Variants in DIAPH3 observed in about 807,000 individuals in gnomAD.
DIAPH3 encodes the protein diaphanous related formin 3.
Under a neutral mutation model 144.3 loss-of-function variants are expected in DIAPH3, and 117 were observed. The observed-to-expected ratio is 0.81, with a 90% CI of 0.70 to 0.95. DIAPH3 has a LOEUF of 0.95. Ranked by LOEUF, DIAPH3 falls within the 40% of genes least tolerant of loss-of-function variation. The pLI is 0.00. For synonymous variants in DIAPH3, 519 were observed against 488.9 expected, an observed-to-expected ratio of 1.06 and a Z score of -0.81; for missense variants, 1,421 against 1,412.7, an observed-to-expected ratio of 1.01 and a Z score of -0.09.
At chr13:60,008,301 C>T (rs1426508159) in intron 9 of DIAPH3, among the ~76,000 whole-genome samples, 1 of 152,062 alleles carries the variant, frequency 6.6e-6, no homozygotes, top group Non-Finnish European at 1.5e-5. Flanking sequence ...GAGGCTGAGG[C>T]AGAAGAATGG....
In DIAPH3 at chr13:59,958,900, A is replaced by C. The variant is rs1594128991; in HGVS notation, c.2074+11044T>G. On this transcript the variant is annotated intron_variant, in intron 17 of 27. Transcript: ENST00000400324. The stretch of plus-strand genomic sequence containing the variant: ...TTTTTTTTTTTTTTTTTTGAGATAG[A>C]GTCTCGCTCCTGTTGCCCAGGCTGG... Among the ~76,000 whole-genome samples, 5 of 128,380 alleles carry C rather than the reference A, an allele frequency of 3.9e-5. No individual in the cohort carries two copies. The South Asian group carries it at 1.3e-3, about 33-fold the overall frequency. 84.2% of individuals were successfully genotyped at this position (128,380 alleles called of 152,430 possible). A position where few individuals can be genotyped will look rare whatever the true frequency, so the allele number is the denominator to read the frequency against.
chr13:59,964,367 T>TAC (rs1001556848), intron 17 of DIAPH3, among the ~76,000 whole-genome samples: 3 of 152,004 alleles, frequency 2.0e-5, no homozygotes, highest in African/African-American at 7.2e-5. Context: ...TGTATGTACA[T>TAC]ACACACACCA....
rs780222276 is a variant in DIAPH3, at chr13:59,750,444, C to T, written c.3319+23745G>A. Among the ~76,000 whole-genome samples, 12 of 152,240 alleles carry T rather than the reference C, an allele frequency of 7.9e-5. No homozygotes were observed. In the South Asian group the frequency reaches 1.7e-3, roughly 21 times the overall value. Reference sequence around the variant, plus strand: ...TAGGTTTTACAAGAATTACTACTTTCCAGGTTTAAGAACATTTTATCAAAT... The same window carrying T: ...TAGGTTTTACAAGAATTACTACTTTTCAGGTTTAAGAACATTTTATCAAAT... On this transcript the variant is annotated intron_variant, in intron 27 of 27. Transcript: ENST00000400324.
chr13:59,965,803 A>G (rs1451037874), intron 17 of DIAPH3, among the ~76,000 whole-genome samples: 2 of 152,136 alleles, frequency 1.3e-5, no homozygotes, highest in Admixed American at 6.5e-5. Flanking sequence ...CAACATGAGT[A>G]TGGGAAGCAC....
rs201849666 is a variant in DIAPH3 at position 59,851,948 on chromosome 13, AT to A, written c.2737+9458del. On this transcript the variant is annotated intron_variant, in intron 22 of 27. Coordinates refer to ENST00000400324, the MANE Select transcript of DIAPH3 (RefSeq NM_001042517.2). ...GATGAATCTTATTTAAACTAACTTTATTTTTTTTTTTCTGTCACTCACAGTC... is the reference window on the plus strand; with the variant it reads ...GATGAATCTTATTTAAACTAACTTTATTTTTTTTTTCTGTCACTCACAGTC... Among the ~76,000 whole-genome samples the A allele has an allele frequency of 4.6e-3, 673 of 147,734 alleles. 1 individual carries two copies. Among genetic ancestry groups the A allele is most frequent in the Middle Eastern group, 0.021 (6 of 284 alleles).
chr13:59,913,354 C>T (rs2047082740), intron 19 of DIAPH3, among the ~76,000 whole-genome samples: 1 of 152,154 alleles, frequency 6.6e-6, no homozygotes, highest in Non-Finnish European at 1.5e-5. Context: ...AGCTACTGTT[C>T]AGCTAAATTC....
At chr13:60,112,317 T>C in intron 2 of DIAPH3, 131 bp from the exon 3 acceptor site, 2 of 1,049,776 alleles carry the variant, frequency 1.9e-6, no homozygotes, top group Non-Finnish European at 2.8e-6. Flanking sequence ...CATTCAGCAT[T>C]GGAATATTTA....
chr13:60,103,566 G>A (rs907220750), intron 3 of DIAPH3, among the ~76,000 whole-genome samples: 1 of 152,112 alleles, frequency 6.6e-6, no homozygotes, highest in Non-Finnish European at 1.5e-5. Flanking sequence ...GGACCAATAA[G>A]CATAATATTG....
intron 5 of DIAPH3, among the ~76,000 whole-genome samples, chr13:60,025,878 T>C (rs936556922): frequency 6.6e-6 from 1 of 151,852 alleles, no homozygotes; most frequent in Non-Finnish European, 1.5e-5. Flanking sequence ...CAGAGAATAT[T>C]AGAGGAGCAA....
chr13:59,725,577 TGCA>T (rs1348254242), intron 27 of DIAPH3, among the ~76,000 whole-genome samples: 5 of 152,182 alleles, frequency 3.3e-5, no homozygotes, highest in Admixed American at 6.5e-5. Context: ...CTTCTGAACT[TGCA>T]GCAAGACTAT....
At chr13:59,989,045 C>T (rs995562448) in intron 12 of DIAPH3, among the ~76,000 whole-genome samples, 2 of 151,670 alleles carry the variant, frequency 1.3e-5, no homozygotes, top group Non-Finnish European at 2.9e-5. Flanking sequence ...TAACATTCTG[C>T]AATAGAACAA....
intron 27 of DIAPH3, among the ~76,000 whole-genome samples, chr13:59,751,243 C>T (rs2036992867): frequency 6.6e-6 from 1 of 152,232 alleles, no homozygotes; most frequent in African/African-American, 2.4e-5. Flanking sequence ...CTGCGTTATA[C>T]CAAGTATGGA....
intron 23 of DIAPH3, among the ~76,000 whole-genome samples, chr13:59,834,690 T>C (rs1389257743): frequency 6.6e-6 from 1 of 151,766 alleles, no homozygotes; most frequent in Non-Finnish European, 1.5e-5. Context: ...TAGTTAGCTG[T>C]CCTTGTGCAA....
At chr13:60,046,572 C>T (rs1468418076) in intron 4 of DIAPH3, among the ~76,000 whole-genome samples, 1 of 152,154 alleles carries the variant, frequency 6.6e-6, no homozygotes, top group Non-Finnish European at 1.5e-5. Context: ...GGTGATTCCT[C>T]AGGGATCTAG....
intron 27 of DIAPH3, among the ~76,000 whole-genome samples, chr13:59,737,016 G>T (rs1351029700): frequency 6.6e-6 from 1 of 152,096 alleles, no homozygotes; most frequent in Non-Finnish European, 1.5e-5. Flanking sequence ...ATGGACTAAG[G>T]AGTTAAATGT....
At chr13:59,968,187 T>C (rs2050162763) in intron 17 of DIAPH3, among the ~76,000 whole-genome samples, 1 of 152,224 alleles carries the variant, frequency 6.6e-6, no homozygotes, top group Admixed American at 6.5e-5. Context: ...TTATTTCATT[T>C]AGGGCTAACA....
At chr13:59,746,809 C>A (rs2036727661) in intron 27 of DIAPH3, among the ~76,000 whole-genome samples, 1 of 152,174 alleles carries the variant, frequency 6.6e-6, no homozygotes, top group African/African-American at 2.4e-5. Context: ...TTTGGAACCA[C>A]TGACAGCGTA....
At position 59,781,392 on chromosome 13, in the gene DIAPH3, C is replaced by A. The variant is rs543875914; in HGVS notation, c.3164-6569G>T. ...CTATACATGCCATCTTAGAAAGAGA[C>A]TGCAAGATGTGCTTTTGCAAAACCA... On this transcript the variant is annotated intron_variant, in intron 25 of 27. Coordinates refer to ENST00000400324, the MANE Select transcript of DIAPH3 (RefSeq NM_001042517.2). Among the ~76,000 whole-genome samples the A allele has an allele frequency of 2.0e-5, 3 of 152,216 alleles. No individual in the cohort carries two copies. The East Asian group carries it at 5.8e-4, about 29-fold the overall frequency.
intron 20 of DIAPH3, among the ~76,000 whole-genome samples, chr13:59,887,529 ATTG>A (rs1250298137): frequency 6.6e-6 from 1 of 152,046 alleles, no homozygotes; most frequent in African/African-American, 2.4e-5. Context: ...ATGTTCTATT[ATTG>A]TTGTTGTCTA....
Sources: gnomAD v4.1 joint callset for allele counts (sites outside exome capture counted in the v4.1 genomes callset) on GRCh38, gnomAD v4.1.1 for gene constraint, MANE v1.5 for transcripts, NCBI Gene and HGNC (gene_info 2026-07-23, HGNC 2026-07-21) for gene names.